The following DNAH5 variants were observed in gnomAD, a reference collection of about 807,000 sequenced individuals.
The protein encoded by DNAH5 is dynein axonemal heavy chain 5.
In DNAH5, 372 loss-of-function variants were observed where a neutral mutation model predicts 518.2. The ratio of observed to expected loss-of-function variants is 0.72; its 90% CI spans 0.66 to 0.78. The LOEUF is 0.78. DNAH5 is among the 30% of genes least tolerant of loss of function. The pLI, the probability that DNAH5 is intolerant of heterozygous loss-of-function variation, is 0.00. For synonymous variants in DNAH5, 2,039 were observed against 2,025.9 expected (o/e 1.01, Z -0.17); for missense variants, 5,523 against 5,687.0 (o/e 0.97, Z 0.93).
chr5:13,919,632 A>G (rs940150199), intron 6 of DNAH5, among the ~76,000 whole-genome samples: 3 of 152,070 alleles, frequency 2.0e-5, no homozygotes, highest in African/African-American at 7.2e-5. Flanking sequence ...TTTGATTCAT[A>G]CTTTTTTCTT....
chr5:13,750,937 A>G, intron 65 of DNAH5, 141 bp downstream of exon 65: 2 of 931,412 alleles, frequency 2.1e-6, no homozygotes, highest in South Asian at 1.6e-5. Flanking sequence ...AAAAAAGAAA[A>G]CACTTGGAGA....
In DNAH5 at chr5:14,008,183, A is replaced by G. The variant is rs566053096; in HGVS notation, c.12+3465T>C. Reference sequence around the variant, plus strand: ...CGAGAATCCGTCTTAGAAAAAAAAAAAAAGAAAGAAAGAAAGAAAAAAGAA... The same window carrying G: ...CGAGAATCCGTCTTAGAAAAAAAAAGAAAGAAAGAAAGAAAGAAAAAAGAA... On this transcript the variant is annotated intron_variant, in intron 1 of 78. Transcript: ENST00000681290. 9.0e-5 allele frequency among the ~76,000 whole-genome samples: 13 copies of G among 144,576 alleles called. No homozygotes were observed. The East Asian group carries it at 1.3e-3, about 14-fold the overall frequency. 94.8% of individuals were successfully genotyped at this position (144,576 alleles called of 152,430 possible).
At chr5:13,901,193 G>T in intron 14 of DNAH5, 59 bp downstream of exon 14, 2 of 1,557,296 alleles carry the variant, frequency 1.3e-6, no homozygotes, top group Non-Finnish European at 1.8e-6. Context: ...ACTGTCAAAT[G>T]CTAGAAGAGG....
intron 61 of DNAH5, among the ~76,000 whole-genome samples, chr5:13,757,514 T>G (rs897562556): frequency 6.6e-6 from 1 of 152,186 alleles, no homozygotes; most frequent in African/African-American, 2.4e-5. Flanking sequence ...TTTTGAAAAG[T>G]GTCTGTTGTA....
At chr5:13,870,463 T>C (rs1451520302) in intron 24 of DNAH5, among the ~76,000 whole-genome samples, 2 of 152,150 alleles carry the variant, frequency 1.3e-5, no homozygotes, top group African/African-American at 4.8e-5. Flanking sequence ...AGTTAGTCCA[T>C]AGCTGATTGA....
chr5:13,771,361 T>C (rs1753313846), intron 55 of DNAH5: 2 of 270,012 alleles, frequency 7.4e-6, no homozygotes, highest in South Asian at 8.8e-5. Flanking sequence ...ACAATGCCAT[T>C]TATTTTGTCA....
chr5:14,011,107 C>T (rs1785084594), intron 1 of DNAH5, among the ~76,000 whole-genome samples: 1 of 152,144 alleles, frequency 6.6e-6, no homozygotes, highest in Non-Finnish European at 1.5e-5. Context: ...ATGTAAGAGA[C>T]AGAAAGAACC....
intron 1 of DNAH5, among the ~76,000 whole-genome samples, chr5:13,983,682 T>C (rs1477317211): frequency 6.6e-6 from 1 of 152,206 alleles, no homozygotes. Flanking sequence ...CCCCCCAGGC[T>C]TCCTGGAGGA....
At chr5:13,865,538 C>T in intron 27 of DNAH5, 130 bp downstream of exon 27, 1 of 748,004 alleles carries the variant, frequency 1.3e-6, no homozygotes, top group South Asian at 1.4e-5. Context: ...AGAGTGATGT[C>T]AATGGACAAG....
rs1351708299 is a variant in DNAH5, at chr5:13,920,496, A to T, written c.782T>A (p.Ile261Asn). The change falls in exon 6 of 79, where the codon ATC becomes AAC. Residue 261 changes from isoleucine to asparagine, a missense_variant. Ile to Asn is a moderately radical substitution (Grantham distance 149). Around this residue, in one of 3 missense-constraint regions of DNAH5, gnomAD observed 5,121 missense variants for 5,223.3 expected, o/e 0.98. Coordinates refer to ENST00000265104, the MANE Select transcript of DNAH5 (RefSeq NM_001369.3). ...GKIEDCMKVW[I>N]KQTEQVLAEN... ...CAAAATTACCTGTTCTGTCTGTTTG[A>T]TCCATACTTTCATGCAATCCTCTAT... is the stretch of plus-strand genomic sequence containing the variant. The T allele has an allele frequency of 6.2e-7, 1 of 1,614,038 alleles. No homozygotes were observed. The highest frequency in any genetic ancestry group is 2.2e-5 in the East Asian group (1 of 44,884).
chr5:13,739,578 C>T (rs1313688474), intron 65 of DNAH5, among the ~76,000 whole-genome samples: 1 of 152,162 alleles, frequency 6.6e-6, no homozygotes, highest in Non-Finnish European at 1.5e-5. Flanking sequence ...ATAGATTCTA[C>T]TCCCTATTGA....
intron 47 of DNAH5, among the ~76,000 whole-genome samples, chr5:13,805,159 G>A (rs1269650579): frequency 6.6e-6 from 1 of 152,082 alleles, no homozygotes; most frequent in Non-Finnish European, 1.5e-5. Flanking sequence ...TAAGTCACAT[G>A]ATATCAGTTG....
At position 13,714,555 on chromosome 5, in the gene DNAH5, C is replaced by G. The variant is rs780181944; in HGVS notation, c.12975G>C (p.Gln4325His). 44 of 1,614,052 alleles carry G rather than the reference C, an allele frequency of 2.7e-5. No individual in the cohort carries two copies. The highest frequency in any genetic ancestry group is 3.6e-5 in the Non-Finnish European group (43 of 1,180,040). The change falls in exon 75 of 79, where the codon CAG becomes CAC. Residue 4325 changes from glutamine (Q) to histidine (H), a missense_variant. Physicochemically the swap from Gln to His is conservative, Grantham distance 24. Around this residue, in one of 3 missense-constraint regions of DNAH5, gnomAD observed 387 missense variants for 430.0 expected, o/e 0.90. Transcript: ENST00000265104. ...CCAGCACGTCCTTGGCCAGCTTGCT[C>G]TGGTAGGTGATGTCAGCATTGGGGT... ...GLHPNADITY[Q>H]SKLAKDVLDT...
In DNAH5 at chr5:13,786,327, G is replaced by A; in HGVS notation, c.8672C>T (p.Ala2891Val). 3.1e-6 allele frequency: 5 copies of A among 1,614,058 alleles called. No individual in the cohort carries two copies. The highest frequency in any genetic ancestry group is 4.2e-6 in the Non-Finnish European group (5 of 1,180,018). The change falls in exon 52 of 79, where the codon GCT becomes GTT. Residue 2891 changes from alanine (A) to valine (V), a missense_variant. By Grantham distance (64) the Ala-to-Val change is moderately conservative (BLOSUM62 0). Transcript: ENST00000265104. ...TGGCTCATAAATTTTAGGTGTTTCA[G>A]CATCAGCCTCTTCAGATGTTTCACC... ...AAGETSEEAD[A>V]ETPKIYEPIE...
rs1167119588 is a variant in DNAH5, at chr5:13,707,631, CT to C, written c.13338+491del. ...CCCAGCCACACCCCTGTCACACGCCCTGTGAGGGGGATAAGGGAACTCCTCC... is the reference window on the plus strand; with the variant it reads ...CCCAGCCACACCCCTGTCACACGCCCGTGAGGGGGATAAGGGAACTCCTCC... On this transcript the variant is annotated intron_variant, in intron 76 of 78. Coordinates refer to ENST00000265104, the MANE Select transcript of DNAH5 (RefSeq NM_001369.3). The surrounding 1 kb of genome is among the most constrained non-coding windows in gnomAD (Gnocchi z 4.0). Among the ~76,000 whole-genome samples the C allele has an allele frequency of 6.6e-6, 1 of 152,206 alleles. No individual in the cohort carries two copies. The highest frequency in any genetic ancestry group is 2.4e-5 in the African/African-American group (1 of 41,462).
chr5:13,833,130 C>CAAAAAA (rs750433752), intron 35 of DNAH5, among the ~76,000 whole-genome samples: 1 of 34,850 alleles, frequency 2.9e-5, no homozygotes, highest in Non-Finnish European at 5.7e-5. Flanking sequence ...AATGTGTTAT[C>CAAAAAA]CAAAAAAAAA....
intron 31 of DNAH5, among the ~76,000 whole-genome samples, chr5:13,849,627 A>G (rs1766538480): frequency 6.6e-6 from 1 of 152,144 alleles, no homozygotes; most frequent in South Asian, 2.1e-4. Flanking sequence ...TTTTCTCTGC[A>G]CCAATTTTAC....
At chr5:13,975,264 T>C (rs557749005) in intron 1 of DNAH5, among the ~76,000 whole-genome samples, 60 of 152,302 alleles carry the variant, frequency 3.9e-4, no homozygotes, top group South Asian at 1.2e-3. Context: ...TTTTTCCTAA[T>C]GTGAGATTTA....
At chr5:13,875,106 T>C (rs1294947032) in intron 22 of DNAH5, among the ~76,000 whole-genome samples, 1 of 152,204 alleles carries the variant, frequency 6.6e-6, no homozygotes, top group African/African-American at 2.4e-5. Flanking sequence ...TGCCAACCTT[T>C]TCTACTATTT....
Sources: allele counts gnomAD v4.1 joint callset (sites outside exome capture counted in the v4.1 genomes callset), GRCh38; gene constraint gnomAD v4.1.1; regional missense constraint gnomAD v4.1.1; non-coding constraint Gnocchi (gnomAD v3.1); transcripts MANE v1.5; gene names NCBI Gene and HGNC (gene_info 2026-07-23, HGNC 2026-07-21).